FOXP2: variants seen among roughly 807,000 people sequenced by gnomAD.
The protein encoded by FOXP2 is forkhead box protein P2.
A neutral mutation model predicts 115.8 loss-of-function variants in FOXP2; 12 were observed. That is an observed-to-expected ratio of 0.10 (90% CI 0.07 to 0.17). FOXP2 has a LOEUF of 0.17. Among genes scored for constraint, FOXP2 ranks in the 10% least tolerant of loss-of-function variants. The pLI, the probability that FOXP2 is intolerant of heterozygous loss-of-function variation, is 1.00. For synonymous variants in FOXP2, 328 were observed against 297.7 expected (o/e 1.10, Z -1.05); for missense variants, 629 against 843.5 (o/e 0.75, Z 3.15).
chr7:114,608,972 G>C (rs1428658298), intron 3 of FOXP2, among the ~76,000 whole-genome samples: 1 of 152,046 alleles, frequency 6.6e-6, no homozygotes, highest in East Asian at 1.9e-4. Context: ...GCCGAGGCGG[G>C]CGGATCACCT....
At chr7:114,556,292 G>A (rs983198082) in intron 3 of FOXP2, among the ~76,000 whole-genome samples, 2 of 152,260 alleles carry the variant, frequency 1.3e-5, no homozygotes, top group African/African-American at 2.4e-5. Flanking sequence ...GCTACATGCA[G>A]TCTCTATTCC....
chr7:114,237,450 TG>T (rs1795039456), intron 1 of FOXP2, among the ~76,000 whole-genome samples: 1 of 152,238 alleles, frequency 6.6e-6, no homozygotes, highest in Admixed American at 6.5e-5. Context: ...TGAATTGCCA[TG>T]CAAGTAATTG....
rs555606836 is a variant in FOXP2, at chr7:114,511,290, C to A, written c.169-23327C>A. ...TGATGGGTGTAGCAAACCACCATGG[C>A]ACATGTATACCTATGGAACAAGCCT... is the stretch of plus-strand genomic sequence containing the variant. On this transcript the variant is annotated intron_variant, in intron 2 of 16. Coordinates refer to ENST00000350908, the MANE Select transcript of FOXP2 (RefSeq NM_014491.4). 4.6e-5 allele frequency among the ~76,000 whole-genome samples: 7 copies of A among 152,140 alleles called. No homozygotes were observed. In the South Asian group the frequency reaches 1.2e-3, roughly 27 times the overall value.
intron 1 of FOXP2, among the ~76,000 whole-genome samples, chr7:114,223,238 A>G (rs998579408): frequency 6.6e-6 from 1 of 152,010 alleles, no homozygotes; most frequent in African/African-American, 2.4e-5. Context: ...TAAGTGTTCC[A>G]GTTGCTGCAC....
intron 1 of FOXP2, among the ~76,000 whole-genome samples, chr7:114,119,158 A>T (rs1484935889): frequency 6.6e-6 from 1 of 152,184 alleles, no homozygotes; most frequent in South Asian, 2.1e-4. Context: ...ATTAAAATAC[A>T]GCATCCATTA....
At chr7:114,371,402 T>C (rs1474411902) in intron 2 of FOXP2, among the ~76,000 whole-genome samples, 4 of 152,128 alleles carry the variant, frequency 2.6e-5, no homozygotes, top group Non-Finnish European at 5.9e-5. Flanking sequence ...TTAATACTTC[T>C]GTTTTAAGGT....
chr7:114,222,737 G>A (rs1794654888), intron 1 of FOXP2, among the ~76,000 whole-genome samples: 1 of 152,118 alleles, frequency 6.6e-6, no homozygotes, highest in African/African-American at 2.4e-5. Context: ...TCAAGGATGG[G>A]GTAGCTTTTA....
At chr7:114,507,632 A>C (rs1199654389) in intron 2 of FOXP2, among the ~76,000 whole-genome samples, 2 of 151,954 alleles carry the variant, frequency 1.3e-5, no homozygotes. Flanking sequence ...AGTTTTGGTA[A>C]TAATATTGGC....
chr7:114,271,834 A>G (rs1483546353), intron 1 of FOXP2, among the ~76,000 whole-genome samples: 1 of 122,334 alleles, frequency 8.2e-6, no homozygotes, highest in Non-Finnish European at 1.6e-5. Flanking sequence ...TATATGAAAT[A>G]TATAAATATT....
chr7:114,519,519 A>T (rs1798508610), intron 2 of FOXP2, among the ~76,000 whole-genome samples: 1 of 152,164 alleles, frequency 6.6e-6, no homozygotes, highest in South Asian at 2.1e-4. Context: ...ATGTCTTAGG[A>T]TTCAGTGTAA....
intron 1 of FOXP2, among the ~76,000 whole-genome samples, chr7:114,124,989 A>G (rs1182304154): frequency 6.6e-6 from 1 of 152,104 alleles, no homozygotes; most frequent in African/African-American, 2.4e-5. Context: ...TCTTCCAGCA[A>G]TGCACAGCTA....
intron 1 of FOXP2, among the ~76,000 whole-genome samples, chr7:114,241,620 C>T (rs1050063172): frequency 6.6e-6 from 1 of 151,788 alleles, no homozygotes; most frequent in African/African-American, 2.4e-5. Flanking sequence ...TATGAACACA[C>T]ATCTAAAAAT....
intron 2 of FOXP2, among the ~76,000 whole-genome samples, chr7:114,509,268 T>A (rs1303937808): frequency 6.6e-6 from 1 of 151,350 alleles, no homozygotes; most frequent in African/African-American, 2.4e-5. Flanking sequence ...AATGGTTTTT[T>A]TGTTTGTTTG....
intron 1 of FOXP2, among the ~76,000 whole-genome samples, chr7:114,149,724 G>T (rs1792480019): frequency 6.6e-6 from 1 of 151,982 alleles, no homozygotes; most frequent in Admixed American, 6.6e-5. Context: ...CGACTTAATT[G>T]CTTTATGTAA....
intron 3 of FOXP2, among the ~76,000 whole-genome samples, chr7:114,570,182 T>C (rs1801220488): frequency 6.6e-6 from 1 of 151,936 alleles, no homozygotes. Context: ...TTTGAGTATA[T>C]AGAGTAGTTT....
Position 114,422,612 on chromosome 7 carries a change from G to A in FOXP2, c.-10-3890G>A, listed in dbSNP as rs186341683. Among the ~76,000 whole-genome samples the A allele has an allele frequency of 2.6e-3, 396 of 151,738 alleles. 1 individual carries two copies. The highest frequency in any genetic ancestry group is 9.3e-3 in the African/African-American group (384 of 41,478). On this transcript the variant is annotated intron_variant, in intron 1 of 16. Coordinates refer to ENST00000350908, the MANE Select transcript of FOXP2 (RefSeq NM_014491.4). ...AAGAGATAGGGAGCATAAGAAACAG[G>A]GAAGGAGAAGAGATGAGAAAGAAGA...
chr7:114,628,028 T>C (rs1435934435), intron 3 of FOXP2, among the ~76,000 whole-genome samples: 1 of 152,096 alleles, frequency 6.6e-6, no homozygotes, highest in Admixed American at 6.6e-5. Context: ...CTTTATCATG[T>C]GTATATAAAA....
In FOXP2 at chr7:114,441,452, C is replaced by CA. The variant is rs575399426; in HGVS notation, c.168+14784dup. Among the ~76,000 whole-genome samples, 536 of 142,812 alleles carry CA rather than the reference C, an allele frequency of 3.8e-3. 3 individuals carry two copies. Among genetic ancestry groups the CA allele is most frequent in the Non-Finnish European group, 5.3e-3 (343 of 65,038 alleles). The allele number at this position is 142,812 out of a possible 152,430, so 93.7% of individuals were successfully genotyped here. A position where few individuals can be genotyped will look rare whatever the true frequency, so the allele number is the denominator to read the frequency against. On this transcript the variant is annotated intron_variant, in intron 2 of 16. Coordinates refer to ENST00000350908, the MANE Select transcript of FOXP2 (RefSeq NM_014491.4). ...TGGGTGACAGAGGGAGACTCCATCTCAAAAAAAAAAATTGGAGTGGAATGT... is the reference window on the plus strand; with the variant it reads ...TGGGTGACAGAGGGAGACTCCATCTCAAAAAAAAAAAATTGGAGTGGAATGT...
At position 114,324,674 on chromosome 7, in the gene FOXP2, A is replaced by G. The variant is rs894255060; in HGVS notation, c.-11+36565A>G. On this transcript the variant is annotated intron_variant, in intron 2 of 17. Coordinates refer to the FOXP2 transcript ENST00000634411. ...ATCTATGAATGGAATTTAATAACCA[A>G]TCTCACTACAGAAATGGTATTATTA... Among the ~76,000 whole-genome samples the G allele has an allele frequency of 3.1e-4, 47 of 151,964 alleles. 1 individual carries two copies. Among genetic ancestry groups the G allele is most frequent in the African/African-American group, 1.1e-3 (47 of 41,548 alleles).
Sources: allele counts gnomAD v4.1 joint callset (sites outside exome capture counted in the v4.1 genomes callset), GRCh38; gene constraint gnomAD v4.1.1; transcripts MANE v1.5; gene names NCBI Gene and HGNC (gene_info 2026-07-23, HGNC 2026-07-21).